TIMP2: variants seen among roughly 807,000 people sequenced by gnomAD.
TIMP2 encodes the protein metalloproteinase inhibitor 2.
In TIMP2, 5 loss-of-function variants were observed where a neutral mutation model predicts 24.3. That is an observed-to-expected ratio of 0.21 (90% CI 0.11 to 0.43). The LOEUF (loss-of-function observed/expected upper bound fraction) is 0.43, where lower values mean the gene tolerates loss of function less well. Ranked by LOEUF, TIMP2 falls within the 20% of genes least tolerant of loss-of-function variation. The pLI is 1.00. For synonymous variants in TIMP2, 130 were observed against 123.2 expected, an observed-to-expected ratio of 1.06 and a Z score of -0.37; for missense variants, 221 against 297.5, an observed-to-expected ratio of 0.74 and a Z score of 1.89.
intron 1 of TIMP2, among the ~76,000 whole-genome samples, chr17:78,878,821 G>A (rs897623027): frequency 6.6e-6 from 1 of 152,154 alleles, no homozygotes; most frequent in African/African-American, 2.4e-5. Flanking sequence ...TGCCCCTGGG[G>A]AACAGAATTC....
chr17:78,893,343 G>T (rs2069941695), intron 1 of TIMP2, among the ~76,000 whole-genome samples: 1 of 148,172 alleles, frequency 6.7e-6, no homozygotes, highest in African/African-American at 2.5e-5. Context: ...ATGCATGTGT[G>T]TGCAGGGGTG....
intron 2 of TIMP2, among the ~76,000 whole-genome samples, chr17:78,872,535 C>T (rs1387000494): frequency 6.6e-6 from 1 of 152,134 alleles, no homozygotes; most frequent in Non-Finnish European, 1.5e-5. Context: ...GGAATGGAAG[C>T]ATGCCTGATG....
At chr17:78,879,306 C>T (rs1299859625) in intron 1 of TIMP2, among the ~76,000 whole-genome samples, 1 of 152,330 alleles carries the variant, frequency 6.6e-6, no homozygotes, top group East Asian at 1.9e-4. Context: ...GGTCCGCACT[C>T]TGAGCTCCAG....
chr17:78,874,280 C>T, intron 1 of TIMP2: 1 of 102,042 alleles, frequency 9.8e-6, no homozygotes. Flanking sequence ...TGCTTGAGTG[C>T]TTTTGGCTTT....
chr17:78,869,747 G>C (rs561955727), intron 3 of TIMP2, among the ~76,000 whole-genome samples: 5 of 152,104 alleles, frequency 3.3e-5, no homozygotes, highest in Non-Finnish European at 7.4e-5. Flanking sequence ...CCTGGGAAGC[G>C]GAGGTTGCAG....
intron 3 of TIMP2, among the ~76,000 whole-genome samples, chr17:78,865,159 T>C (rs1277506432): frequency 6.6e-6 from 1 of 152,212 alleles, no homozygotes; most frequent in African/African-American, 2.4e-5. Context: ...TGACTCTACC[T>C]GTACGAGGTG....
intron 1 of TIMP2, among the ~76,000 whole-genome samples, chr17:78,884,758 C>T (rs1283250652): frequency 2.0e-5 from 3 of 152,240 alleles, no homozygotes; most frequent in African/African-American, 7.2e-5. Context: ...TCTTGGAGAT[C>T]TCGATATAAC....
At chr17:78,919,570 C>G (rs1316837167) in intron 1 of TIMP2, among the ~76,000 whole-genome samples, 4 of 152,258 alleles carry the variant, frequency 2.6e-5, no homozygotes, top group African/African-American at 9.6e-5. Context: ...TGCGGTGGCT[C>G]AAGCCTGTAA....
chr17:78,907,037 G>A (rs1217333198), intron 1 of TIMP2, among the ~76,000 whole-genome samples: 1 of 151,700 alleles, frequency 6.6e-6, no homozygotes, highest in Non-Finnish European at 1.5e-5. Flanking sequence ...ATCACTCCTA[G>A]CTTTTGATTT....
At chr17:78,861,200 C>T (rs1011823673) in intron 3 of TIMP2, among the ~76,000 whole-genome samples, 10 of 152,024 alleles carry the variant, frequency 6.6e-5, no homozygotes, top group Admixed American at 1.3e-4. Context: ...ACAGGTATAC[C>T]GCAGCCCCTT....
chr17:78,905,899 G>A (rs1460840650), intron 1 of TIMP2, among the ~76,000 whole-genome samples: 2 of 152,186 alleles, frequency 1.3e-5, no homozygotes, highest in East Asian at 1.9e-4. Flanking sequence ...GACATACTGC[G>A]GGTTGAGTTC....
rs573392271 is a variant in TIMP2, at chr17:78,887,327, G to A, written c.131-13408C>T. On this transcript the variant is annotated intron_variant, in intron 1 of 4. Transcript: ENST00000262768. ...CAGAACGGGAGTCCTGTGGTTCCAT[G>A]TGTGTGGCTCACTGCTCATCTCTAG... Among the ~76,000 whole-genome samples, 107 of 152,276 alleles carry A rather than the reference G, an allele frequency of 7.0e-4. 1 individual carries two copies. The highest frequency in any genetic ancestry group is 9.8e-4 in the Non-Finnish European group (67 of 68,032).
At position 78,924,951 on chromosome 17, in the gene TIMP2, C is replaced by A; in HGVS notation, c.130+8G>T. 1 of 1,270,316 alleles carries A rather than the reference C, an allele frequency of 7.9e-7. No homozygotes were observed. The allele number at this position is 1,270,316 out of a possible 1,614,324, so 78.7% of individuals were successfully genotyped here. A position where few individuals can be genotyped will look rare whatever the true frequency, so the allele number is the denominator to read the frequency against. The stretch of plus-strand genomic sequence containing the variant: ...CCCCGCGCGGGGGCTGGGGTCGCCG[C>A]TCCTTACCTACATCTGCATTGCAAA... On this transcript the variant is annotated splice_region_variant and intron_variant, in intron 1 of 4. Coordinates refer to ENST00000262768, the MANE Select transcript of TIMP2 (RefSeq NM_003255.5). This position sits in a 1 kb window ranked among gnomAD's most constrained non-coding sequence, Gnocchi z 5.3.
intron 1 of TIMP2, chr17:78,892,184 A>G (rs1334584639): frequency 6.4e-7 from 1 of 1,550,934 alleles, no homozygotes; most frequent in Non-Finnish European, 8.7e-7. Flanking sequence ...CAAGCGCTGG[A>G]GCTGGTAGTT....
Position 78,854,046 on chromosome 17 carries a change from A to G in TIMP2, c.*1621T>C, listed in dbSNP as rs2069504857. On this transcript the variant is annotated 3_prime_UTR_variant, in exon 5 of 5. Transcript: ENST00000262768. The stretch of plus-strand genomic sequence containing the variant: ...GAAGTCATCAAGATCTGTGCTGACC[A>G]GGTCCCGGTGGGCATGGGGGCTGCA... 6.6e-6 allele frequency: 1 copy of G among 152,150 alleles called. No individual in the cohort carries two copies. The highest frequency in any genetic ancestry group is 2.4e-5 in the African/African-American group (1 of 41,420). 9.4% of individuals were successfully genotyped at this position (152,150 alleles called of 1,614,324 possible). A position where few individuals can be genotyped will look rare whatever the true frequency, so the allele number is the denominator to read the frequency against.
At chr17:78,859,587 C>T (rs537155515) in intron 3 of TIMP2, among the ~76,000 whole-genome samples, 80 of 152,072 alleles carry the variant, frequency 5.3e-4, no homozygotes, top group Non-Finnish European at 7.1e-4. Context: ...CGCTTGAACC[C>T]GGGAGGTGGA....
In TIMP2 at chr17:78,924,926, C is replaced by T. The variant is rs1461631561; in HGVS notation, c.130+33G>A. On this transcript the variant is annotated intron_variant, in intron 1 of 4. Coordinates refer to ENST00000262768, the MANE Select transcript of TIMP2 (RefSeq NM_003255.5). This position sits in a 1 kb window ranked among gnomAD's most constrained non-coding sequence, Gnocchi z 5.3. ...CCTCGGGGTCGCGGGGGAGGTGGGG[C>T]CCCGCGCGGGGGCTGGGGTCGCCGC... 1 of 1,199,616 alleles carries T rather than the reference C, an allele frequency of 8.3e-7. No homozygotes were observed. Among genetic ancestry groups the T allele is most frequent in the Non-Finnish European group, 1.0e-6 (1 of 960,050 alleles). The allele number at this position is 1,199,616 out of a possible 1,614,324, so 74.3% of individuals were successfully genotyped here.
At chr17:78,907,432 C>T (rs941992662) in intron 1 of TIMP2, among the ~76,000 whole-genome samples, 5 of 152,154 alleles carry the variant, frequency 3.3e-5, no homozygotes, top group Non-Finnish European at 5.9e-5. Flanking sequence ...AGCCGCCAGT[C>T]GGCCAGTTGG....
intron 3 of TIMP2, among the ~76,000 whole-genome samples, chr17:78,858,045 C>T (rs776182582): frequency 1.3e-5 from 2 of 151,878 alleles, no homozygotes; most frequent in Non-Finnish European, 2.9e-5. Context: ...GAACTCCAGC[C>T]TGGGTGACAC....
Sources: allele counts gnomAD v4.1 joint callset (sites outside exome capture counted in the v4.1 genomes callset), GRCh38; gene constraint gnomAD v4.1.1; non-coding constraint Gnocchi (gnomAD v3.1); transcripts MANE v1.5; gene names NCBI Gene and HGNC (gene_info 2026-07-23, HGNC 2026-07-21).